The following NOS1AP variants were observed in gnomAD, a reference collection of about 807,000 sequenced individuals.
The protein encoded by NOS1AP is nitric oxide synthase 1 adaptor protein, also known as carboxyl-terminal PDZ ligand of neuronal nitric oxide synthase protein.
NOS1AP carries 21 observed loss-of-function variants against 56.2 expected under a neutral mutation model. The ratio of observed to expected loss-of-function variants is 0.37; its 90% CI spans 0.26 to 0.54. NOS1AP has a LOEUF of 0.54. Among genes scored for constraint, NOS1AP ranks in the 20% least tolerant of loss-of-function variants. The pLI is 0.84. For missense variants in NOS1AP, 522 were observed against 657.8 expected, an observed-to-expected ratio of 0.79 and a Z score of 2.26; for synonymous variants, 270 against 274.6, an observed-to-expected ratio of 0.98 and a Z score of 0.17.
intron 4 of NOS1AP, among the ~76,000 whole-genome samples, chr1:162,325,540 G>GC (rs1328147411): frequency 6.6e-6 from 1 of 152,012 alleles, no homozygotes; most frequent in African/African-American, 2.4e-5. Context: ...AACACATTGG[G>GC]CCCCCCAGAA....
At chr1:162,147,294 T>C (rs1649508556) in intron 1 of NOS1AP, among the ~76,000 whole-genome samples, 1 of 135,310 alleles carries the variant, frequency 7.4e-6, no homozygotes, top group Admixed American at 8.5e-5. Flanking sequence ...ATCGCACCAC[T>C]GCACTCCAGC....
intron 1 of NOS1AP, among the ~76,000 whole-genome samples, chr1:162,143,924 A>G (rs1571058848): frequency 6.6e-6 from 1 of 152,228 alleles, no homozygotes; most frequent in Non-Finnish European, 1.5e-5. Context: ...CTTCATGTGA[A>G]GAATAAGGGA....
At chr1:162,106,239 C>T (rs549278094) in intron 1 of NOS1AP, among the ~76,000 whole-genome samples, 1 of 152,284 alleles carries the variant, frequency 6.6e-6, no homozygotes, top group South Asian at 2.1e-4. Context: ...GTTCCCTTGG[C>T]TCCGTGCAGC....
Position 162,367,025 on chromosome 1 carries a change from C to G in NOS1AP, c.1106-27C>G. ...TCAACAACCTTGCCTAACGCTGCCCCTCTGCTACCTCTTGTCTCCCCTGCA... is the reference window on the plus strand; with the variant it reads ...TCAACAACCTTGCCTAACGCTGCCCGTCTGCTACCTCTTGTCTCCCCTGCA... On this transcript the variant is annotated intron_variant, in intron 9 of 9. Coordinates refer to ENST00000361897, the MANE Select transcript of NOS1AP (RefSeq NM_014697.3). This position sits in a 1 kb window ranked among gnomAD's most constrained non-coding sequence, Gnocchi z 6.5. The G allele has an allele frequency of 1.9e-6, 3 of 1,613,624 alleles. No individual in the cohort carries two copies. Among genetic ancestry groups the G allele is most frequent in the Non-Finnish European group, 2.5e-6 (3 of 1,179,960 alleles).
chr1:162,254,042 A>G (rs1282141714), intron 2 of NOS1AP, among the ~76,000 whole-genome samples: 2 of 152,192 alleles, frequency 1.3e-5, no homozygotes, highest in Non-Finnish European at 1.5e-5. Context: ...TGGCTTTTCC[A>G]TCTGTAAAAT....
intron 1 of NOS1AP, among the ~76,000 whole-genome samples, chr1:162,112,016 G>A (rs547498252): frequency 4.6e-3 from 698 of 152,344 alleles, no homozygotes; most frequent in Non-Finnish European, 6.6e-3. Context: ...GCTCAGGCCA[G>A]TGCTCCTTCG....
intron 2 of NOS1AP, among the ~76,000 whole-genome samples, chr1:162,224,708 T>C (rs3923374): frequency 0.54 from 81,697 of 152,008 alleles, 23,005 homozygotes; most frequent in Non-Finnish European, 0.64. Flanking sequence ...CCTGATTTTA[T>C]CCAGAGTAAC....
At chr1:162,186,196 G>A (rs3927639) in intron 2 of NOS1AP, among the ~76,000 whole-genome samples, 70,536 of 151,640 alleles carry the variant, frequency 0.47, 17,982 homozygotes, top group East Asian at 0.75. Flanking sequence ...TTGGCACCAC[G>A]TTATAATGCA....
chr1:162,330,691 T>TA (rs1214455212), intron 4 of NOS1AP, among the ~76,000 whole-genome samples: 1 of 152,196 alleles, frequency 6.6e-6, no homozygotes, highest in Non-Finnish European at 1.5e-5. Flanking sequence ...TTGTCTTTTT[T>TA]AAAAATAACA....
intron 8 of NOS1AP, 112 bp downstream of exon 8, chr1:162,357,248 G>T: frequency 6.6e-7 from 1 of 1,513,532 alleles, no homozygotes; most frequent in Non-Finnish European, 8.9e-7. Flanking sequence ...ATAAGGAATC[G>T]CTCATGCTAT....
intron 1 of NOS1AP, among the ~76,000 whole-genome samples, chr1:162,085,261 G>C (rs753675422): frequency 6.6e-6 from 1 of 151,998 alleles, no homozygotes; most frequent in Non-Finnish European, 1.5e-5. Flanking sequence ...TCTCCTGCTT[G>C]TTTTATGTAT....
chr1:162,145,107 T>C (rs1018361669), intron 1 of NOS1AP, among the ~76,000 whole-genome samples: 2 of 152,224 alleles, frequency 1.3e-5, no homozygotes, highest in African/African-American at 2.4e-5. Flanking sequence ...TTGCATCAGA[T>C]GGCCTTCAAA....
chr1:162,280,052 G>A (rs1241833044), intron 2 of NOS1AP, among the ~76,000 whole-genome samples: 5 of 152,176 alleles, frequency 3.3e-5, no homozygotes, highest in East Asian at 1.9e-4. Flanking sequence ...AGTGGCTAAT[G>A]TCTGTAATCC....
At chr1:162,285,551 G>A (rs1056616688) in intron 2 of NOS1AP, among the ~76,000 whole-genome samples, 2 of 152,126 alleles carry the variant, frequency 1.3e-5, no homozygotes, top group Non-Finnish European at 2.9e-5. Context: ...CTGACCTAGA[G>A]AGGAATTTGT....
At chr1:162,076,652 G>A (rs1691775427) in intron 1 of NOS1AP, among the ~76,000 whole-genome samples, 1 of 152,130 alleles carries the variant, frequency 6.6e-6, no homozygotes, top group African/African-American at 2.4e-5. Context: ...GATCACTTGA[G>A]GTCAGGAGTT....
chr1:162,117,099 G>A (rs531353826), intron 1 of NOS1AP, among the ~76,000 whole-genome samples: 1 of 152,170 alleles, frequency 6.6e-6, no homozygotes, highest in Non-Finnish European at 1.5e-5. Context: ...AGTTAAAAGT[G>A]CCCCTGTGGA....
chr1:162,270,746 ATTC>A (rs1654558807), intron 2 of NOS1AP, among the ~76,000 whole-genome samples: 2 of 152,208 alleles, frequency 1.3e-5, no homozygotes, highest in South Asian at 2.1e-4. Context: ...TGATTTTCGA[ATTC>A]TTCTTTTTAA....
At chr1:162,124,784 A>G (rs1305989144) in intron 1 of NOS1AP, among the ~76,000 whole-genome samples, 1 of 151,990 alleles carries the variant, frequency 6.6e-6, no homozygotes, top group African/African-American at 2.4e-5. Context: ...TGGCCTCCCA[A>G]AGTGCTGGGA....
chr1:162,098,854 T>C (rs1692308972), intron 1 of NOS1AP, among the ~76,000 whole-genome samples: 1 of 152,236 alleles, frequency 6.6e-6, no homozygotes, highest in Non-Finnish European at 1.5e-5. Context: ...CATTCCTTTT[T>C]ATGGCTGCAT....
Sources: allele counts gnomAD v4.1 joint callset (sites outside exome capture counted in the v4.1 genomes callset), GRCh38; gene constraint gnomAD v4.1.1; non-coding constraint Gnocchi (gnomAD v3.1); transcripts MANE v1.5; gene names NCBI Gene and HGNC (gene_info 2026-07-23, HGNC 2026-07-21).